RUVBL1: variants seen among roughly 807,000 people sequenced by gnomAD.
The protein encoded by RUVBL1 is ruvB-like 1.
RUVBL1 carries 4 observed loss-of-function variants against 52.4 expected under a neutral mutation model. That is an observed-to-expected ratio of 0.08 (90% CI 0.04 to 0.17). RUVBL1 has a LOEUF of 0.17. RUVBL1 is among the 10% of genes least tolerant of loss of function. RUVBL1 has a pLI of 1.00. For missense variants in RUVBL1, 298 were observed against 572.8 expected (o/e 0.52, Z 4.90); for synonymous variants, 217 against 214.4 (o/e 1.01, Z -0.10).
At chr3:128,153,704 C>G (rs1002418646) in exon 1 of RUVBL1, 1 of 1,587,944 alleles carries the variant, frequency 6.3e-7, no homozygotes, top group Non-Finnish European at 8.5e-7. Context: ...CGCCTGCGGT[C>G]GTCTTTGCCC....
intron 9 of RUVBL1, among the ~76,000 whole-genome samples, chr3:128,074,402 G>C (rs1942249401): frequency 1.3e-5 from 2 of 152,094 alleles, no homozygotes; most frequent in South Asian, 4.1e-4. Flanking sequence ...TTCTAACAGT[G>C]GTTGCCTCTA....
chr3:128,074,221 TGTG>T (rs1365646647), intron 9 of RUVBL1, among the ~76,000 whole-genome samples: 3 of 152,194 alleles, frequency 2.0e-5, no homozygotes, highest in Non-Finnish European at 2.9e-5. Context: ...AATGGATACA[TGTG>T]GTGGATCCAC....
intron 3 of RUVBL1, 104 bp from the exon 4 acceptor site, chr3:128,105,028 A>G (rs987136025): frequency 7.0e-6 from 9 of 1,278,528 alleles, no homozygotes; most frequent in Non-Finnish European, 9.7e-6. Flanking sequence ...CAACCTTAAT[A>G]ATGTACATTC....
chr3:128,073,818 C>T (rs947205804), intron 9 of RUVBL1, among the ~76,000 whole-genome samples: 2 of 152,176 alleles, frequency 1.3e-5, no homozygotes, highest in African/African-American at 4.8e-5. Context: ...AAGCACAGCT[C>T]AATAAGGCTA....
exon 10 of RUVBL1, chr3:128,065,139 T>C (rs780617036): frequency 7.8e-5 from 99 of 1,262,382 alleles, no homozygotes; most frequent in Non-Finnish European, 1.1e-4. Flanking sequence ...TGTCATCATA[T>C]TGTGTTGAAA....
chr3:128,105,277 G>A (rs1025811044), intron 3 of RUVBL1, among the ~76,000 whole-genome samples: 4 of 151,606 alleles, frequency 2.6e-5, no homozygotes, highest in Middle Eastern at 3.4e-3. Flanking sequence ...CCGCCACCAC[G>A]CCCGGCTAAT....
chr3:128,079,679 C>T (rs1942418942), downstream of RUVBL1, among the ~76,000 whole-genome samples: 1 of 152,220 alleles, frequency 6.6e-6, no homozygotes, highest in African/African-American at 2.4e-5. Context: ...CCTCAGGGGC[C>T]AGGCCGAGGG....
chr3:128,111,644 G>A (rs1240900436), intron 3 of RUVBL1, among the ~76,000 whole-genome samples: 1 of 152,118 alleles, frequency 6.6e-6, no homozygotes, highest in Non-Finnish European at 1.5e-5. Context: ...GAGGGGTCTG[G>A]TAAAAGCAAA....
At chr3:128,116,107 C>CCA (rs1025984349) in intron 2 of RUVBL1, among the ~76,000 whole-genome samples, 7 of 151,726 alleles carry the variant, frequency 4.6e-5, no homozygotes, top group Non-Finnish European at 1.0e-4. Context: ...GGGTAACAGA[C>CCA]CACTGCACTC....
At chr3:128,130,586 C>T (rs1943858025) in intron 1 of RUVBL1, among the ~76,000 whole-genome samples, 1 of 127,752 alleles carries the variant, frequency 7.8e-6, no homozygotes, top group South Asian at 2.6e-4. Context: ...TAGCAAGACC[C>T]CATCTCTACA....
At chr3:128,152,769 G>A (rs752388763) in intron 1 of RUVBL1, among the ~76,000 whole-genome samples, 7 of 152,116 alleles carry the variant, frequency 4.6e-5, no homozygotes, top group Non-Finnish European at 7.4e-5. Flanking sequence ...CAGTCCCAAA[G>A]AGTGAGCAGC....
chr3:128,131,931 C>A (rs931009264), intron 1 of RUVBL1, among the ~76,000 whole-genome samples: 11 of 152,122 alleles, frequency 7.2e-5, no homozygotes, highest in Non-Finnish European at 1.2e-4. Context: ...TCATAAGAAC[C>A]AAAAATCAGG....
At chr3:128,091,430 C>T (rs1214457826) in intron 8 of RUVBL1, among the ~76,000 whole-genome samples, 1 of 152,220 alleles carries the variant, frequency 6.6e-6, no homozygotes, top group East Asian at 1.9e-4. Flanking sequence ...CTTAGAAGTT[C>T]ATTTCTGGCT....
intron 2 of RUVBL1, among the ~76,000 whole-genome samples, chr3:128,118,296 T>C (rs1446454227): frequency 6.6e-6 from 1 of 152,190 alleles, no homozygotes; most frequent in Non-Finnish European, 1.5e-5. Flanking sequence ...TGTTCACAAA[T>C]ATAGCACTTC....
chr3:128,150,818 A>C (rs1944181600), intron 1 of RUVBL1, among the ~76,000 whole-genome samples: 1 of 96,786 alleles, frequency 1.0e-5, no homozygotes, highest in Non-Finnish European at 1.8e-5. Context: ...TATATATTAT[A>C]TATTCTATAT....
At chr3:128,145,802 T>C (rs1944094957) in intron 1 of RUVBL1, among the ~76,000 whole-genome samples, 4 of 152,196 alleles carry the variant, frequency 2.6e-5, no homozygotes. Context: ...ACTTATTGAA[T>C]AGGTAATACT....
At chr3:128,089,643 TA>T (rs1364755752) in intron 8 of RUVBL1, among the ~76,000 whole-genome samples, 1 of 152,146 alleles carries the variant, frequency 6.6e-6, no homozygotes, top group Admixed American at 6.5e-5. Context: ...AAATACATGC[TA>T]GCACAGGATG....
exon 1 of RUVBL1, chr3:128,153,555 C>G: frequency 6.5e-7 from 1 of 1,531,834 alleles, no homozygotes; most frequent in Non-Finnish European, 8.7e-7. Flanking sequence ...TGGGCCACAT[C>G]GACAGCGGCA....
intron 1 of RUVBL1, among the ~76,000 whole-genome samples, chr3:128,121,334 G>A (rs1029766069): frequency 6.6e-6 from 1 of 151,650 alleles, no homozygotes. Context: ...GACCTCAGGT[G>A]ATCCACTTGC....
Sources: allele counts gnomAD v4.1 joint callset (sites outside exome capture counted in the v4.1 genomes callset), GRCh38; gene constraint gnomAD v4.1.1; transcripts MANE v1.5; gene names NCBI Gene and HGNC (gene_info 2026-07-23, HGNC 2026-07-21).